Variants in COG5 observed in about 807,000 individuals in gnomAD.
COG5 encodes the protein conserved oligomeric Golgi complex subunit 5.
A neutral mutation model predicts 110.4 loss-of-function variants in COG5; 86 were observed. The ratio of observed to expected loss-of-function variants is 0.78; its 90% CI spans 0.65 to 0.93. The LOEUF (loss-of-function observed/expected upper bound fraction) is 0.93, where lower values mean the gene tolerates loss of function less well. COG5 is among the 40% of genes least tolerant of loss of function. The pLI is 0.00. For missense variants in COG5, 1,077 were observed against 987.0 expected (o/e 1.09, Z -1.22); for synonymous variants, 360 against 334.6 (o/e 1.08, Z -0.83).
At chr7:107,497,414 C>CA (rs796181251) in intron 6 of COG5, among the ~76,000 whole-genome samples, 13 of 152,084 alleles carry the variant, frequency 8.5e-5, no homozygotes, top group African/African-American at 3.1e-4. Context: ...AAGACCCCAC[C>CA]AAAAAACTAT....
chr7:107,499,310 A>G (rs1343537657), intron 6 of COG5, among the ~76,000 whole-genome samples: 2 of 151,992 alleles, frequency 1.3e-5, no homozygotes, highest in African/African-American at 4.8e-5. Flanking sequence ...AAGCGTACTT[A>G]CCATTCTAAA....
intron 5 of COG5, among the ~76,000 whole-genome samples, chr7:107,538,832 A>G (rs990232059): frequency 6.6e-6 from 1 of 152,212 alleles, no homozygotes; most frequent in Non-Finnish European, 1.5e-5. Context: ...TAAAAAGTAG[A>G]AACAACCTAA....
intron 6 of COG5, among the ~76,000 whole-genome samples, chr7:107,424,623 A>G (rs942862072): frequency 1.1e-4 from 17 of 152,120 alleles, no homozygotes; most frequent in Admixed American, 8.5e-4. Flanking sequence ...TACAAAAGAC[A>G]TCAAGAAGGA....
chr7:107,315,105 T>C (rs1808611024), intron 11 of COG5, among the ~76,000 whole-genome samples: 1 of 152,032 alleles, frequency 6.6e-6, no homozygotes, highest in South Asian at 2.1e-4. Context: ...AAGGTAGACA[T>C]TAATTTTCAA....
At chr7:107,514,734 C>G (rs550067381) in intron 6 of COG5, among the ~76,000 whole-genome samples, 185 of 152,102 alleles carry the variant, frequency 1.2e-3, no homozygotes, top group Non-Finnish European at 1.5e-3. Flanking sequence ...TTTTCAGTGT[C>G]TGGAATAGCA....
At chr7:107,483,220 C>T (rs905444264) in intron 6 of COG5, among the ~76,000 whole-genome samples, 4 of 152,246 alleles carry the variant, frequency 2.6e-5, no homozygotes, top group Middle Eastern at 3.4e-3. Context: ...AATGGTATTA[C>T]GGAAACACTA....
chr7:107,313,648 C>A (rs904418396), intron 11 of COG5, among the ~76,000 whole-genome samples: 4 of 152,074 alleles, frequency 2.6e-5, no homozygotes, highest in African/African-American at 9.7e-5. Flanking sequence ...TTGTGGCCCC[C>A]CTTCAAGCAA....
At chr7:107,286,214 T>A (rs994783444) in intron 12 of COG5, among the ~76,000 whole-genome samples, 3 of 152,100 alleles carry the variant, frequency 2.0e-5, no homozygotes, top group African/African-American at 7.2e-5. Flanking sequence ...GCAGATCAAG[T>A]AACAGGAGGG....
At chr7:107,354,970 G>T (rs977351342) in intron 10 of COG5, among the ~76,000 whole-genome samples, 1 of 152,092 alleles carries the variant, frequency 6.6e-6, no homozygotes, top group African/African-American at 2.4e-5. Flanking sequence ...TTAAGATTTG[G>T]CTTTCCAAAT....
At position 107,556,497 on chromosome 7, in the gene COG5, T is replaced by A. The variant is rs79375935; in HGVS notation, c.234+1479A>T. Among the ~76,000 whole-genome samples, 841 of 152,236 alleles carry A rather than the reference T, an allele frequency of 5.5e-3. 8 individuals are homozygous for A. Among genetic ancestry groups the A allele is most frequent in the African/African-American group, 0.02 (810 of 41,532 alleles). On this transcript the variant is annotated intron_variant, in intron 2 of 21. Coordinates refer to ENST00000297135, the MANE Select transcript of COG5 (RefSeq NM_006348.5). The stretch of plus-strand genomic sequence containing the variant: ...CAGAGTAGATGCTGCATACAAGGAA[T>A]AAGGAAAATACCAAGCATAAAAGGA...
At chr7:107,494,161 C>G (rs1284653146) in intron 6 of COG5, among the ~76,000 whole-genome samples, 1 of 152,092 alleles carries the variant, frequency 6.6e-6, no homozygotes, top group Non-Finnish European at 1.5e-5. Context: ...TGCATAAGCT[C>G]TCAACCTACA....
At chr7:107,494,673 A>G (rs992215637) in intron 6 of COG5, among the ~76,000 whole-genome samples, 2 of 152,216 alleles carry the variant, frequency 1.3e-5, no homozygotes, top group Non-Finnish European at 2.9e-5. Flanking sequence ...CACATTTCTC[A>G]GAACATATCC....
intron 11 of COG5, among the ~76,000 whole-genome samples, chr7:107,315,275 T>C (rs1808628365): frequency 6.6e-6 from 1 of 152,126 alleles, no homozygotes; most frequent in South Asian, 2.1e-4. Context: ...TAATGAGCTT[T>C]AGTATACAGT....
At chr7:107,352,556 A>G (rs1812256378) in intron 10 of COG5, among the ~76,000 whole-genome samples, 1 of 151,946 alleles carries the variant, frequency 6.6e-6, no homozygotes, top group African/African-American at 2.4e-5. Flanking sequence ...TCCCTATTCA[A>G]TATTTTAATC....
intron 17 of COG5, among the ~76,000 whole-genome samples, chr7:107,243,590 A>G (rs1359717795): frequency 6.6e-6 from 1 of 151,940 alleles, no homozygotes; most frequent in Non-Finnish European, 1.5e-5. Context: ...CAGCACTCCA[A>G]TGACAGTATT....
chr7:107,395,088 T>G (rs1473203126), intron 7 of COG5, among the ~76,000 whole-genome samples: 3 of 152,208 alleles, frequency 2.0e-5, no homozygotes, highest in Non-Finnish European at 4.4e-5. Flanking sequence ...TGATTTTAAC[T>G]GGAAAACCAC....
intron 14 of COG5, among the ~76,000 whole-genome samples, chr7:107,278,182 GCTTTC>G (rs1218215263): frequency 1.3e-5 from 2 of 152,076 alleles, no homozygotes; most frequent in Non-Finnish European, 2.9e-5. Context: ...TAAAATTCTA[GCTTTC>G]CTTTATCTCA....
intron 6 of COG5, among the ~76,000 whole-genome samples, chr7:107,504,654 T>A (rs1798852305): frequency 6.6e-6 from 1 of 152,190 alleles, no homozygotes; most frequent in South Asian, 2.1e-4. Flanking sequence ...GGCAATTTTT[T>A]TTATTACTGA....
chr7:107,321,179 T>C (rs990033658), intron 11 of COG5, among the ~76,000 whole-genome samples: 1 of 151,862 alleles, frequency 6.6e-6, no homozygotes, highest in Non-Finnish European at 1.5e-5. Context: ...ATTTTAAAAA[T>C]CAACAATTAT....
Sources: gnomAD v4.1 joint callset for allele counts (sites outside exome capture counted in the v4.1 genomes callset) on GRCh38, gnomAD v4.1.1 for gene constraint, MANE v1.5 for transcripts, NCBI Gene and HGNC (gene_info 2026-07-23, HGNC 2026-07-21) for gene names.